The following IFRD1 variants were observed in gnomAD, a reference collection of about 807,000 sequenced individuals.
IFRD1 encodes the protein interferon-related developmental regulator 1.
IFRD1 carries 35 observed loss-of-function variants against 52.9 expected under a neutral mutation model. The observed-to-expected ratio is 0.66, with a 90% CI of 0.51 to 0.88. IFRD1 has a LOEUF of 0.88. Ranked by LOEUF, IFRD1 falls within the 40% of genes least tolerant of loss-of-function variation. The pLI, the probability that IFRD1 is intolerant of heterozygous loss-of-function variation, is 0.00. For synonymous variants in IFRD1, 184 were observed against 188.4 expected (o/e 0.98, Z 0.19); for missense variants, 517 against 550.8 (o/e 0.94, Z 0.61).
chr7:112,434,019 G>A (rs769763815), intron 1 of IFRD1, among the ~76,000 whole-genome samples: 9 of 151,696 alleles, frequency 5.9e-5, no homozygotes, highest in African/African-American at 1.5e-4. Context: ...ACAGGGTTTC[G>A]CCGTGTTGCC....
intron 3 of IFRD1, 89 bp from the exon 4 acceptor site, chr7:112,456,821 ATAGG>A (rs1243766973): frequency 1.7e-6 from 2 of 1,176,894 alleles, no homozygotes; most frequent in Non-Finnish European, 2.5e-6. Context: ...AAATCTATAC[ATAGG>A]TAAAGTTTAG....
chr7:112,464,426 ATAG>A (rs762325753), intron 8 of IFRD1, among the ~76,000 whole-genome samples: 1 of 152,170 alleles, frequency 6.6e-6, no homozygotes, highest in Non-Finnish European at 1.5e-5. Flanking sequence ...CAATTAGATA[ATAG>A]TAGACTCTGG....
chr7:112,461,862 TTA>T lies in IFRD1; in HGVS notation c.568-3_568-2del. ...TGTCTATATATATATATTTTTTTTT[TTA>T]GTGTGCAACTTGCTTTGGTGTTTGC... is the stretch of plus-strand genomic sequence containing the variant. On this transcript the variant is annotated splice_acceptor_variant and splice_polypyrimidine_tract_variant and intron_variant, in intron 5 of 11. Transcript: ENST00000403825. LOFTEE classifies it high-confidence loss of function. 6.7e-7 allele frequency: 1 copy of T among 1,501,368 alleles called. No individual in the cohort carries two copies. The highest frequency in any genetic ancestry group is 9.2e-7 in the Non-Finnish European group (1 of 1,085,682). The allele number at this position is 1,501,368 out of a possible 1,614,324, so 93.0% of individuals were successfully genotyped here.
At chr7:112,450,439 C>T, upstream of IFRD1, 2 of 543,450 alleles carry the variant, frequency 3.7e-6, no homozygotes, top group Non-Finnish European at 3.3e-6. Flanking sequence ...CTACTTAAGG[C>T]GTCGTGGCCT....
chr7:112,438,603 G>T (rs1584471569), intron 1 of IFRD1, among the ~76,000 whole-genome samples: 1 of 152,136 alleles, frequency 6.6e-6, no homozygotes, highest in East Asian at 1.9e-4. Flanking sequence ...ACAGAACCTG[G>T]AGACAAAGGC....
At chr7:112,457,723 A>G (rs1298997873) in intron 4 of IFRD1, 1 of 152,226 alleles carries the variant, frequency 6.6e-6, no homozygotes, top group African/African-American at 2.4e-5. Flanking sequence ...ATTATAACAA[A>G]CAAAACAAAA....
intron 10 of IFRD1, 29 bp downstream of exon 10, chr7:112,472,376 T>C (rs1327336867): frequency 6.2e-7 from 1 of 1,613,508 alleles, no homozygotes; most frequent in Non-Finnish European, 8.5e-7. Flanking sequence ...ACATATTTGC[T>C]TTTAAAGTAG....
chr7:112,439,485 A>C (rs1794815101), intron 1 of IFRD1, among the ~76,000 whole-genome samples: 1 of 152,186 alleles, frequency 6.6e-6, no homozygotes, highest in Non-Finnish European at 1.5e-5. Flanking sequence ...AAAATATTAA[A>C]AGCATTTATT....
intron 11 of IFRD1, 64 bp from the exon 12 acceptor site, chr7:112,475,366 T>C (rs1795873831): frequency 1.1e-6 from 1 of 904,412 alleles, no homozygotes; most frequent in East Asian, 2.4e-5. Context: ...CTTTTACCCT[T>C]TTTCTGTTTT....
rs1475489952 is a variant in IFRD1 at position 112,462,325 on chromosome 7, G to T, written c.853G>T (p.Ala285Ser). Reference sequence around the variant, plus strand: ...TTGTGATGATGTAAACATGAGAATAGCTGCTGGTGAATCTTTGGCACTTCT... The same window carrying T: ...TTGTGATGATGTAAACATGAGAATATCTGCTGGTGAATCTTTGGCACTTCT... The part of the protein sequence containing the change: ...LSCDDVNMRI[A>S]AGESLALLFE... The change falls in exon 8 of 12, where the codon GCT becomes TCT. Residue 285 changes from alanine to serine, a missense_variant. Coordinates refer to ENST00000403825, the MANE Select transcript of IFRD1 (RefSeq NM_001550.4). 4 of 1,613,830 alleles carry T rather than the reference G, an allele frequency of 2.5e-6. No homozygotes were observed. The South Asian group carries it at 4.4e-5, about 18-fold the overall frequency.
intron 9 of IFRD1, among the ~76,000 whole-genome samples, chr7:112,469,321 C>G (rs781455513): frequency 3.8e-4 from 58 of 152,142 alleles, no homozygotes; most frequent in Non-Finnish European, 6.3e-4. Flanking sequence ...AAAGTAAAAT[C>G]TAGGATACAA....
intron 8 of IFRD1, among the ~76,000 whole-genome samples, chr7:112,466,304 G>A (rs1795607324): frequency 1.3e-5 from 2 of 151,764 alleles, no homozygotes; most frequent in African/African-American, 4.8e-5. Flanking sequence ...AAACTACTTA[G>A]CATTTAATTT....
chr7:112,455,990 A>G lies in IFRD1; in HGVS notation c.200-12A>G. 6 of 1,565,202 alleles carry G rather than the reference A, an allele frequency of 3.8e-6. No individual in the cohort carries two copies. Among genetic ancestry groups the G allele is most frequent in the South Asian group, 1.1e-5 (1 of 90,010 alleles). On this transcript the variant is annotated splice_polypyrimidine_tract_variant and intron_variant, in intron 2 of 11. Transcript: ENST00000403825. ...TTTTAAATTACGATGGCTGTTTTATATTATTTCTTAGGACCAGAAGTCCTT... is the reference window on the plus strand; with the variant it reads ...TTTTAAATTACGATGGCTGTTTTATGTTATTTCTTAGGACCAGAAGTCCTT...
chr7:112,431,814 CT>C (rs1277127488), intron 1 of IFRD1, among the ~76,000 whole-genome samples: 12 of 152,174 alleles, frequency 7.9e-5, no homozygotes, highest in African/African-American at 2.9e-4. Context: ...TTGGAAACTC[CT>C]TTATATGGAA....
chr7:112,470,742 C>A (rs138168494), intron 9 of IFRD1, among the ~76,000 whole-genome samples: 3 of 152,166 alleles, frequency 2.0e-5, no homozygotes, highest in African/African-American at 7.2e-5. Context: ...AACCTATGCA[C>A]GTATACTTTA....
chr7:112,463,674 A>G (rs1179509643), intron 8 of IFRD1, among the ~76,000 whole-genome samples: 1 of 152,128 alleles, frequency 6.6e-6, no homozygotes, highest in Non-Finnish European at 1.5e-5. Flanking sequence ...TTAATCTTAC[A>G]TTCCTCTACT....
At chr7:112,427,868 C>T (rs1380533449) in intron 1 of IFRD1, among the ~76,000 whole-genome samples, 1 of 152,192 alleles carries the variant, frequency 6.6e-6, no homozygotes, top group East Asian at 1.9e-4. Flanking sequence ...CCAAGGAGAT[C>T]ACAGTCTGGA....
chr7:112,423,713 A>G (rs888578748), intron 1 of IFRD1, among the ~76,000 whole-genome samples: 8 of 152,206 alleles, frequency 5.3e-5, no homozygotes, highest in African/African-American at 1.9e-4. Flanking sequence ...AGCTCTTGGT[A>G]GAAAATCAAA....
Position 112,456,004 on chromosome 7 carries a change from C to A in IFRD1, c.202C>A (p.Pro68Thr). 6.3e-7 allele frequency: 1 copy of A among 1,590,240 alleles called. No individual in the cohort carries two copies. Among genetic ancestry groups the A allele is most frequent in the Non-Finnish European group, 8.6e-7 (1 of 1,158,558 alleles). Residue 68 changes from proline to threonine, a missense_variant and splice_region_variant, in exon 3 of 12, where the codon CCA becomes ACA. Transcript: ENST00000403825. ...SDPSSFAEDG[P>T]EVLDEEGTQE... is the part of the protein sequence containing the mutation. ...GGCTGTTTTATATTATTTCTTAGGA[C>A]CAGAAGTCCTTGATGAGGAAGGAAC...
Sources: allele counts gnomAD v4.1 joint callset (sites outside exome capture counted in the v4.1 genomes callset), GRCh38; gene constraint gnomAD v4.1.1; transcripts MANE v1.5; gene names NCBI Gene and HGNC (gene_info 2026-07-23, HGNC 2026-07-21).